GPHN: variants seen among roughly 807,000 people sequenced by gnomAD.
GPHN encodes gephyrin.
A neutral mutation model predicts 95.5 loss-of-function variants in GPHN; 17 were observed. The observed-to-expected ratio is 0.18, with a 90% CI of 0.12 to 0.27. GPHN has a LOEUF of 0.27. Among genes scored for constraint, GPHN ranks in the 10% least tolerant of loss-of-function variants. The pLI, the probability that GPHN is intolerant of heterozygous loss-of-function variation, is 1.00. For missense variants in GPHN, 660 were observed against 978.1 expected, an observed-to-expected ratio of 0.67 and a Z score of 4.34; for synonymous variants, 320 against 322.5, an observed-to-expected ratio of 0.99 and a Z score of 0.08.
At chr14:66,917,263 A>G (rs2065959881) in intron 6 of GPHN, among the ~76,000 whole-genome samples, 1 of 152,212 alleles carries the variant, frequency 6.6e-6, no homozygotes, top group Non-Finnish European at 1.5e-5. Flanking sequence ...ACGTTCTTAG[A>G]GTCCTTCTCA....
chr14:66,617,222 G>A (rs909073205), intron 1 of GPHN, among the ~76,000 whole-genome samples: 1 of 152,242 alleles, frequency 6.6e-6, no homozygotes, highest in African/African-American at 2.4e-5. Flanking sequence ...ACAGCAGACA[G>A]CTGTAGCTGT....
At chr14:66,957,638 A>G (rs1363731952) in intron 8 of GPHN, among the ~76,000 whole-genome samples, 1 of 152,294 alleles carries the variant, frequency 6.6e-6, no homozygotes, top group African/African-American at 2.4e-5. Context: ...TCACTTCAGA[A>G]AAATGTGTAT....
chr14:67,338,535 T>A, the GPHN span: 2 of 1,376,478 alleles, frequency 1.5e-6, no homozygotes, highest in Non-Finnish European at 1.9e-6. Flanking sequence ...GGCCAAAAAA[T>A]AAATAGCCAC....
intron 1 of GPHN, among the ~76,000 whole-genome samples, chr14:66,554,826 A>C (rs774971949): frequency 6.6e-6 from 1 of 152,210 alleles, no homozygotes; most frequent in African/African-American, 2.4e-5. Flanking sequence ...GATTTCATAC[A>C]TGCTGGGTTG....
At chr14:67,340,478 G>A in the GPHN span, 28 of 1,613,764 alleles carry the variant, frequency 1.7e-5, no homozygotes, top group Admixed American at 3.3e-4. Context: ...CCAGCTCTGT[G>A]ATGATATAAG....
the GPHN span, among the ~76,000 whole-genome samples, chr14:67,496,558 A>G: frequency 6.6e-6 from 1 of 151,132 alleles, no homozygotes; most frequent in Admixed American, 6.6e-5. Context: ...GGAGAGAGAA[A>G]AGCTGCTGGA....
chr14:67,577,423 G>T, the GPHN span: 3,336 of 1,535,438 alleles, frequency 2.2e-3, 9 homozygotes, highest in Non-Finnish European at 2.6e-3. Context: ...AGGTAAATTG[G>T]GGTGGCGGCC....
At chr14:67,187,383 C>G in the GPHN span, among the ~76,000 whole-genome samples, 1 of 152,088 alleles carries the variant, frequency 6.6e-6, no homozygotes, top group African/African-American at 2.4e-5. Flanking sequence ...TCTGAGTCAC[C>G]TTTTCCCTCC....
At position 66,848,409 on chromosome 14, in the gene GPHN, CT is replaced by C. The variant is rs149434211; in HGVS notation, c.294+23844del. Among the ~76,000 whole-genome samples the C allele has an allele frequency of 7.4e-3, 1,125 of 152,162 alleles. 2 individuals are homozygous for C. Among genetic ancestry groups the C allele is most frequent in the Non-Finnish European group, 0.013 (876 of 67,946 alleles). On this transcript the variant is annotated intron_variant, in intron 4 of 22. Coordinates refer to ENST00000478722, the MANE Select transcript of GPHN (RefSeq NM_020806.5). ...TTTCTGATCAAAATTAAGATAGACT[CT>C]GTCAGAGGGATAAAATATGAAGTCT...
chr14:66,552,579 A>G (rs2059853121), intron 1 of GPHN, among the ~76,000 whole-genome samples: 1 of 152,016 alleles, frequency 6.6e-6, no homozygotes. Context: ...TCTGAAGAAC[A>G]CTCTTCAGCA....
In GPHN at chr14:66,612,511, T is replaced by C. The variant is rs535483309; in HGVS notation, c.65-68596T>C. The stretch of plus-strand genomic sequence containing the variant: ...ATCACTCAGAAACAAGTTATCGTTA[T>C]GACATTCTTGTTTCGTTTTTGCATT... On this transcript the variant is annotated intron_variant, in intron 1 of 22. Coordinates refer to ENST00000478722, the MANE Select transcript of GPHN (RefSeq NM_020806.5). 3.9e-5 allele frequency among the ~76,000 whole-genome samples: 6 copies of C among 152,250 alleles called. No homozygotes were observed. The South Asian group carries it at 1.0e-3, about 26-fold the overall frequency.
At chr14:67,128,544 A>G (rs1164611850) in intron 17 of GPHN, among the ~76,000 whole-genome samples, 1 of 152,238 alleles carries the variant, frequency 6.6e-6, no homozygotes, top group Non-Finnish European at 1.5e-5. Context: ...AATATGGTAT[A>G]TGCATGGGAA....
the GPHN span, among the ~76,000 whole-genome samples, chr14:67,500,093 G>A: frequency 1.1e-4 from 17 of 152,164 alleles, no homozygotes; most frequent in African/African-American, 3.4e-4. Context: ...AGCTACTCAC[G>A]TGGGAGGATA....
At chr14:67,209,901 T>A in the GPHN span, among the ~76,000 whole-genome samples, 1 of 150,646 alleles carries the variant, frequency 6.6e-6, no homozygotes, top group Non-Finnish European at 1.5e-5. Flanking sequence ...TTGTAAGGGA[T>A]CCAATTAACA....
chr14:67,431,926 T>G, the GPHN span, among the ~76,000 whole-genome samples: 2 of 152,236 alleles, frequency 1.3e-5, no homozygotes, highest in Non-Finnish European at 2.9e-5. Flanking sequence ...TAAAATCTTT[T>G]AATAGGATAA....
chr14:67,674,526 C>T, the GPHN span: 1 of 1,551,716 alleles, frequency 6.4e-7, no homozygotes, highest in Admixed American at 1.9e-5. Flanking sequence ...CACCGAGATT[C>T]GGGGCCCTGG....
At chr14:66,952,163 A>G (rs963785472) in intron 8 of GPHN, among the ~76,000 whole-genome samples, 1 of 152,168 alleles carries the variant, frequency 6.6e-6, no homozygotes, top group Non-Finnish European at 1.5e-5. Context: ...GCTCCCAAAA[A>G]AACACCTTAC....
At position 66,508,444 on chromosome 14, in the gene GPHN, C is replaced by T. The variant is rs1353598164; in HGVS notation, c.-84C>T. On this transcript the variant is annotated 5_prime_UTR_variant, in exon 1 of 23. Transcript: ENST00000478722. ...TCTGGCTCCCTAGCTGTCGCGCTCT[C>T]CTCGGCGAGCGCGCTCCCGGCCCGC... 23 of 1,257,790 alleles carry T rather than the reference C, an allele frequency of 1.8e-5. No homozygotes were observed. Among genetic ancestry groups the T allele is most frequent in the East Asian group, 1.4e-4 (6 of 43,214 alleles). 77.9% of individuals were successfully genotyped at this position (1,257,790 alleles called of 1,614,324 possible).
the GPHN span, among the ~76,000 whole-genome samples, chr14:67,605,248 T>A: frequency 3.9e-5 from 6 of 152,248 alleles, no homozygotes; most frequent in Non-Finnish European, 7.3e-5. Context: ...CTCTCAGCAA[T>A]GCTTAACAAT....
Sources: gnomAD v4.1 joint callset for allele counts (sites outside exome capture counted in the v4.1 genomes callset) on GRCh38, gnomAD v4.1.1 for gene constraint, MANE v1.5 for transcripts, NCBI Gene and HGNC (gene_info 2026-07-23, HGNC 2026-07-21) for gene names.